The following DLC1 variants were observed in gnomAD, a reference collection of about 807,000 sequenced individuals.
DLC1 encodes the protein DLC1 Rho GTPase activating protein.
DLC1 carries 54 observed loss-of-function variants against 140.3 expected under a neutral mutation model. That is an observed-to-expected ratio of 0.38 (90% confidence interval 0.31 to 0.48). The LOEUF (loss-of-function observed/expected upper bound fraction) is 0.48, where lower values mean the gene tolerates loss of function less well. Among genes scored for constraint, DLC1 ranks in the 20% least tolerant of loss-of-function variants. The probability of loss-of-function intolerance (pLI) is 0.96; values close to 1 mark genes in which losing one functional copy is unlikely to be tolerated. For missense variants in DLC1, 2,536 were observed against 1,907.0 expected (o/e 1.33, Z -6.14); for synonymous variants, 986 against 728.1 (o/e 1.35, Z -5.70).
intron 5 of DLC1, among the ~76,000 whole-genome samples, chr8:13,229,855 T>G (rs547163419): frequency 1.9e-4 from 29 of 152,340 alleles, no homozygotes; most frequent in African/African-American, 7.0e-4. Flanking sequence ...CCTGCAGTTA[T>G]CGGAAACATT....
chr8:13,447,492 A>G (rs1027241137), intron 2 of DLC1, among the ~76,000 whole-genome samples: 1 of 152,184 alleles, frequency 6.6e-6, no homozygotes, highest in Non-Finnish European at 1.5e-5. Context: ...TCAGCTAGTA[A>G]GTAAGGAAGA....
intron 15 of DLC1, among the ~76,000 whole-genome samples, 177 bp downstream of exon 15, chr8:13,090,075 C>T (rs1310267652): frequency 6.6e-6 from 1 of 152,188 alleles, no homozygotes; most frequent in South Asian, 2.1e-4. Flanking sequence ...ATTACTCTTG[C>T]TTTGCCCGGT....
At chr8:13,527,456 T>A (rs531503383) in intron 1 of DLC1, among the ~76,000 whole-genome samples, 1 of 152,302 alleles carries the variant, frequency 6.6e-6, no homozygotes, top group East Asian at 1.9e-4. Flanking sequence ...TCCATTGTTA[T>A]ACTATCTTTT....
chr8:13,565,674 C>T (rs1344689820), intron 1 of DLC1, among the ~76,000 whole-genome samples: 1 of 151,990 alleles, frequency 6.6e-6, no homozygotes, highest in East Asian at 1.9e-4. Flanking sequence ...ATAATACCCC[C>T]CAATCCCCAA....
intron 4 of DLC1, among the ~76,000 whole-genome samples, chr8:13,360,697 A>C (rs1055691334): frequency 2.6e-5 from 4 of 152,080 alleles, no homozygotes; most frequent in African/African-American, 9.7e-5. Flanking sequence ...AAATAATGTA[A>C]TTTTCTGATC....
chr8:13,481,296 G>T (rs1201028665), intron 2 of DLC1, among the ~76,000 whole-genome samples: 3 of 152,136 alleles, frequency 2.0e-5, no homozygotes, highest in Middle Eastern at 3.4e-3. Context: ...GCATGGTGGT[G>T]CATGCCTGTA....
At chr8:13,526,924 A>T (rs539918882) in intron 1 of DLC1, among the ~76,000 whole-genome samples, 6 of 152,214 alleles carry the variant, frequency 3.9e-5, no homozygotes, top group Non-Finnish European at 8.8e-5. Context: ...AGTAAAATTT[A>T]AAAAAAAGTT....
intron 4 of DLC1, among the ~76,000 whole-genome samples, chr8:13,343,391 C>A (rs1834166675): frequency 6.6e-6 from 1 of 152,136 alleles, no homozygotes; most frequent in South Asian, 2.1e-4. Flanking sequence ...TGTCCTCAAT[C>A]AGTTATGATA....
At chr8:13,507,024 C>T (rs1276753776) in intron 1 of DLC1, among the ~76,000 whole-genome samples, 5 of 152,182 alleles carry the variant, frequency 3.3e-5, no homozygotes, top group African/African-American at 7.2e-5. Context: ...CTAGAAAAGA[C>T]GATCAACAAC....
intron 4 of DLC1, among the ~76,000 whole-genome samples, chr8:13,391,754 G>A (rs908368122): frequency 6.6e-6 from 1 of 152,154 alleles, no homozygotes; most frequent in Admixed American, 6.5e-5. Context: ...ACTGAAATGT[G>A]TATGTTCCAA....
At chr8:13,563,171 A>G (rs891004165) in intron 1 of DLC1, among the ~76,000 whole-genome samples, 13 of 152,178 alleles carry the variant, frequency 8.5e-5, no homozygotes, top group Admixed American at 1.3e-4. Context: ...AAAACCTTTG[A>G]GGACTACGTT....
chr8:13,305,200 T>A, intron 5 of DLC1, 69 bp downstream of exon 5: 1 of 1,576,142 alleles, frequency 6.3e-7, no homozygotes, highest in Non-Finnish European at 8.6e-7. Context: ...TTTAATAAAA[T>A]GCCTATTTTA....
In DLC1 at chr8:13,305,367, A is replaced by G. The variant is rs1362062504; in HGVS notation, c.1315-65T>C. The G allele has an allele frequency of 4.0e-6, 6 of 1,498,028 alleles. No homozygotes were observed. In the African/African-American group the frequency reaches 8.4e-5, roughly 21 times the overall value. The allele number at this position is 1,498,028 out of a possible 1,614,324, so 92.8% of individuals were successfully genotyped here. ...GAAACATCAGAAAGCATCATTAGAA[A>G]TAAAACGAAGTGTAATTAATGACGC... On this transcript the variant is annotated intron_variant, in intron 4 of 17. Coordinates refer to ENST00000276297, the MANE Select transcript of DLC1 (RefSeq NM_182643.3).
At chr8:13,550,315 C>T (rs1430639741) in intron 1 of DLC1, among the ~76,000 whole-genome samples, 5 of 152,118 alleles carry the variant, frequency 3.3e-5, no homozygotes, top group African/African-American at 1.2e-4. Context: ...AAGGTCCTTG[C>T]TTCCCCTTTG....
At chr8:13,190,647 T>C (rs1459869803) in intron 5 of DLC1, among the ~76,000 whole-genome samples, 2 of 152,168 alleles carry the variant, frequency 1.3e-5, no homozygotes, top group Non-Finnish European at 2.9e-5. Flanking sequence ...GATGCAGTTA[T>C]GTTTAGAGAA....
intron 5 of DLC1, among the ~76,000 whole-genome samples, chr8:13,238,755 A>C (rs1188267): frequency 6.6e-6 from 1 of 151,934 alleles, no homozygotes; most frequent in South Asian, 2.1e-4. Context: ...GTTACACAGT[A>C]AGCAACTGGA....
At chr8:13,211,840 A>T (rs1424009139) in intron 5 of DLC1, among the ~76,000 whole-genome samples, 1 of 152,242 alleles carries the variant, frequency 6.6e-6, no homozygotes, top group Non-Finnish European at 1.5e-5. Flanking sequence ...ATTGAGGAAG[A>T]GTAGAGGCTT....
chr8:13,345,354 G>C, intron 4 of DLC1, among the ~76,000 whole-genome samples: 1 of 151,926 alleles, frequency 6.6e-6, no homozygotes, highest in South Asian at 2.1e-4. Context: ...AAAACAGAGA[G>C]TCACCATTGC....
At chr8:13,255,317 G>C (rs1830175777) in intron 5 of DLC1, among the ~76,000 whole-genome samples, 1 of 152,132 alleles carries the variant, frequency 6.6e-6, no homozygotes, top group Non-Finnish European at 1.5e-5. Flanking sequence ...AATGGGGATA[G>C]TAAGACCTAT....
Sources: allele counts gnomAD v4.1 joint callset (sites outside exome capture counted in the v4.1 genomes callset), GRCh38; gene constraint gnomAD v4.1.1; transcripts MANE v1.5; gene names NCBI Gene and HGNC (gene_info 2026-07-23, HGNC 2026-07-21).